The following ERCC6 variants were observed in gnomAD, a reference collection of about 807,000 sequenced individuals.
ERCC6 encodes the protein ERCC excision repair 6, chromatin remodeling factor.
ERCC6 carries 116 observed loss-of-function variants against 158.7 expected under a neutral mutation model. That is an observed-to-expected ratio of 0.73 (90% CI 0.63 to 0.85). The LOEUF (loss-of-function observed/expected upper bound fraction) is 0.85. ERCC6 is among the 40% of genes least tolerant of loss of function. ERCC6 has a pLI of 0.00. For missense variants in ERCC6, 1,698 were observed against 1,799.4 expected (o/e 0.94, Z 1.02); for synonymous variants, 678 against 659.3 (o/e 1.03, Z -0.43).
intron 10 of ERCC6, among the ~76,000 whole-genome samples, chr10:49,479,701 C>T (rs888439388): frequency 6.6e-6 from 1 of 152,196 alleles, no homozygotes; most frequent in Non-Finnish European, 1.5e-5. Flanking sequence ...ACCCACACCC[C>T]CTTCCGCAGA....
chr10:49,445,899 C>T, the ERCC6 span, among the ~76,000 whole-genome samples: 3 of 152,222 alleles, frequency 2.0e-5, no homozygotes, highest in South Asian at 4.1e-4. Flanking sequence ...CAGGTATGGC[C>T]TCAGAAAAAC....
At position 49,509,935 on chromosome 10, in the gene ERCC6, T is replaced by C. The variant is rs537855158; in HGVS notation, c.1398-3923A>G. ...GGGCATGGTGTTCACTGGCTGTGTT[T>C]CTAGCTCCTCACACAACTGCCAGAT... On this transcript the variant is annotated intron_variant, in intron 5 of 20. Coordinates refer to ENST00000355832, the MANE Select transcript of ERCC6 (RefSeq NM_000124.4). 5.3e-5 allele frequency among the ~76,000 whole-genome samples: 8 copies of C among 152,330 alleles called. No individual in the cohort carries two copies. In the East Asian group the frequency reaches 1.5e-3, roughly 29 times the overall value.
chr10:49,527,305 A>T (rs1837363114), intron 4 of ERCC6, among the ~76,000 whole-genome samples: 1 of 152,238 alleles, frequency 6.6e-6, no homozygotes, highest in Non-Finnish European at 1.5e-5. Flanking sequence ...TCTGTTATCA[A>T]TGAGAAACAT....
chr10:49,466,124 G>A (rs1850670328), intron 18 of ERCC6, among the ~76,000 whole-genome samples: 1 of 152,092 alleles, frequency 6.6e-6, no homozygotes, highest in Admixed American at 6.5e-5. Flanking sequence ...TAAACTGATA[G>A]CACACACTGA....
chr10:49,499,346 A>G lies in ERCC6; in HGVS notation c.1685+1192T>C, dbSNP rs140748987. Among the ~76,000 whole-genome samples the G allele has an allele frequency of 4.7e-3, 712 of 152,358 alleles. 4 individuals are homozygous for G. The highest frequency in any genetic ancestry group is 0.017 in the Middle Eastern group (5 of 294). The stretch of plus-strand genomic sequence containing the variant: ...GAAGTATTGATCTGCTAACTTAACG[A>G]AAGAGTAAGAAATAAAACACTAAAC... On this transcript the variant is annotated intron_variant, in intron 7 of 20. Transcript: ENST00000355832.
rs4253211 is a variant in ERCC6 at position 49,470,271 on chromosome 10, C to G, written c.3689G>C (p.Arg1230Pro). The change falls in exon 18 of 21, where the codon CGT becomes CCT. Residue 1230 changes from arginine to proline, a missense_variant. Physicochemically the swap from Arg to Pro is moderately radical, Grantham distance 103 (BLOSUM62 -2). Coordinates refer to ENST00000355832, the MANE Select transcript of ERCC6 (RefSeq NM_000124.4). ...GTTTTCACTGTCTTGCTTCTGGTAA[C>G]GCCTTTTCTTCACCAGGTGTGGAAT... ...TRIPHLVKKRRYQKQDSENKS... is the reference protein window; with the variant it reads ...TRIPHLVKKRPYQKQDSENKS... 145,986 of 1,613,988 alleles carry G rather than the reference C, an allele frequency of 0.09. 7,410 individuals carry two copies. The highest frequency in any genetic ancestry group is 0.1 in the Non-Finnish European group (122,305 of 1,179,904).
intron 1 of ERCC6, among the ~76,000 whole-genome samples, chr10:49,538,006 T>C (rs535164301): frequency 3.9e-5 from 6 of 152,230 alleles, no homozygotes; most frequent in Non-Finnish European, 8.8e-5. Flanking sequence ...CTTTTAAGAC[T>C]AGAAAGAGCT....
intron 8 of ERCC6, among the ~76,000 whole-genome samples, chr10:49,485,434 A>G (rs1021428699): frequency 7.9e-5 from 12 of 152,274 alleles, no homozygotes; most frequent in African/African-American, 2.9e-4. Context: ...ATAAATCATT[A>G]AAGCATAACA....
chr10:49,489,560 T>C (rs535688319), intron 8 of ERCC6, among the ~76,000 whole-genome samples: 130 of 152,214 alleles, frequency 8.5e-4, no homozygotes, highest in Non-Finnish European at 1.6e-3. Flanking sequence ...CTGCATGCTC[T>C]TGTTGCTTTT....
chr10:49,498,500 G>A (rs1028715996), intron 7 of ERCC6, among the ~76,000 whole-genome samples: 4 of 152,272 alleles, frequency 2.6e-5, no homozygotes, highest in Non-Finnish European at 5.9e-5. Flanking sequence ...ATATGAGCGG[G>A]GGGGACCACA....
intron 5 of ERCC6, chr10:49,516,888 T>C (rs1836987785): frequency 5.0e-6 from 8 of 1,614,180 alleles, no homozygotes; most frequent in Non-Finnish European, 6.8e-6. Context: ...TGAGGGATCA[T>C]CTGAGTCAGA....
intron 5 of ERCC6, among the ~76,000 whole-genome samples, chr10:49,519,496 C>T (rs2281793): frequency 0.33 from 50,656 of 152,042 alleles, 9,733 homozygotes; most frequent in Non-Finnish European, 0.44. Context: ...AGCCTTCAAA[C>T]CATGCAGAGG....
intron 5 of ERCC6, among the ~76,000 whole-genome samples, chr10:49,517,907 T>C (rs977278726): frequency 1.1e-4 from 16 of 152,232 alleles, no homozygotes; most frequent in Non-Finnish European, 1.8e-4. Context: ...AATAATTGTA[T>C]TTAGGTTTCT....
intron 18 of ERCC6, among the ~76,000 whole-genome samples, chr10:49,464,026 G>A (rs1028282478): frequency 1.1e-4 from 16 of 152,212 alleles, no homozygotes; most frequent in Non-Finnish European, 1.2e-4. Context: ...CTTTGGAACT[G>A]GGTAACAGGT....
intron 6 of ERCC6, chr10:49,501,824 G>A (rs963908115): frequency 6.6e-6 from 1 of 152,096 alleles, no homozygotes; most frequent in Non-Finnish European, 1.5e-5. Context: ...GCCAGGAGTG[G>A]TGGCACGTGC....
intron 8 of ERCC6, among the ~76,000 whole-genome samples, chr10:49,489,844 C>A (rs1018459892): frequency 6.6e-6 from 1 of 152,166 alleles, no homozygotes; most frequent in Admixed American, 6.5e-5. Context: ...CCTTCTTTAT[C>A]TCTTCATTTA....
At chr10:49,449,951 C>T (rs1055831483), downstream of ERCC6, among the ~76,000 whole-genome samples, 1 of 152,058 alleles carries the variant, frequency 6.6e-6, no homozygotes, top group Non-Finnish European at 1.5e-5. Context: ...TGGATCACTA[C>T]AACCTTGACC....
At position 49,458,867 on chromosome 10, in the gene ERCC6, T is replaced by A; in HGVS notation, c.4430A>T (p.His1477Leu). 2.5e-6 allele frequency: 4 copies of A among 1,614,232 alleles called. No individual in the cohort carries two copies. Among genetic ancestry groups the A allele is most frequent in the Non-Finnish European group, 3.4e-6 (4 of 1,180,036 alleles). ...AATTCCTTCACCACCAGAAGTTCTATGGAAAGTGCACAGATTTCTCAATAG... is the reference window on the plus strand; with the variant it reads ...AATTCCTTCACCACCAGAAGTTCTAAGGAAAGTGCACAGATTTCTCAATAG... Reference protein sequence around the residue: ...RELLRNLCTFHRTSGGEGIWK... With the variant: ...RELLRNLCTFLRTSGGEGIWK... The change falls in exon 21 of 21, where the codon CAT becomes CTT. Residue 1477 changes from histidine (H) to leucine (L), a missense_variant. Coordinates refer to ENST00000355832, the MANE Select transcript of ERCC6 (RefSeq NM_000124.4).
intron 8 of ERCC6, among the ~76,000 whole-genome samples, chr10:49,485,788 A>G (rs888544031): frequency 9.2e-5 from 14 of 152,232 alleles, no homozygotes; most frequent in Non-Finnish European, 2.9e-5. Context: ...AAAATAATAG[A>G]AAATAGCAAA....
Sources: allele counts gnomAD v4.1 joint callset (sites outside exome capture counted in the v4.1 genomes callset), GRCh38; gene constraint gnomAD v4.1.1; transcripts MANE v1.5; gene names NCBI Gene and HGNC (gene_info 2026-07-23, HGNC 2026-07-21).